The following CLCN3 variants were observed in gnomAD, a reference collection of about 807,000 sequenced individuals.
CLCN3 encodes the protein H(+)/Cl(-) exchange transporter 3.
A neutral mutation model predicts 83.4 loss-of-function variants in CLCN3; 16 were observed. That is an observed-to-expected ratio of 0.19 (90% CI 0.13 to 0.29). The LOEUF (loss-of-function observed/expected upper bound fraction) is 0.29, where lower values mean the gene tolerates loss of function less well. Among genes scored for constraint, CLCN3 ranks in the 10% least tolerant of loss-of-function variants. The pLI is 1.00. For synonymous variants in CLCN3, 322 were observed against 346.2 expected (o/e 0.93, Z 0.78); for missense variants, 544 against 1,006.0 (o/e 0.54, Z 6.21).
chr4:169,722,773 A>G lies in CLCN3; in HGVS notation c.*2776A>G, dbSNP rs1304929930. The G allele has an allele frequency of 6.6e-6, 1 of 152,164 alleles. No individual in the cohort carries two copies. The highest frequency in any genetic ancestry group is 1.5e-5 in the Non-Finnish European group (1 of 68,032). 9.4% of individuals were successfully genotyped at this position (152,164 alleles called of 1,614,324 possible). A position where few individuals can be genotyped will look rare whatever the true frequency, so the allele number is the denominator to read the frequency against. On this transcript the variant is annotated 3_prime_UTR_variant, in exon 13 of 13. Transcript: ENST00000513761. The stretch of plus-strand genomic sequence containing the variant: ...TGCTAAAATACAGGAAAAGTGCCGT[A>G]TTTTTAATGCATTTAGTGGTTTTCT...
At chr4:169,676,650 ATTTT>A (rs557077180) in intron 2 of CLCN3, among the ~76,000 whole-genome samples, 1 of 128,240 alleles carries the variant, frequency 7.8e-6, no homozygotes, top group Non-Finnish European at 1.6e-5. Flanking sequence ...CATGCCCAGC[ATTTT>A]TTTTTTTTTT....
intron 12 of CLCN3, among the ~76,000 whole-genome samples, chr4:169,718,255 CT>C (rs74320481): frequency 3.4e-3 from 474 of 140,664 alleles, no homozygotes; most frequent in Non-Finnish European, 3.7e-3. Context: ...CCCGCAAGCC[CT>C]TTTTTTTTTT....
intron 7 of CLCN3, among the ~76,000 whole-genome samples, chr4:169,694,889 C>G (rs993925709): frequency 6.6e-6 from 1 of 151,996 alleles, no homozygotes; most frequent in Non-Finnish European, 1.5e-5. Flanking sequence ...ACAAATAAAA[C>G]CCTAGTGAAA....
At chr4:169,666,760 G>C (rs1204808812) in intron 2 of CLCN3, among the ~76,000 whole-genome samples, 6 of 152,180 alleles carry the variant, frequency 3.9e-5, no homozygotes, top group Non-Finnish European at 8.8e-5. Flanking sequence ...TTGAATCCCT[G>C]TTCTACTACT....
chr4:169,645,830 CGTAT>C (rs1273449789), intron 2 of CLCN3, among the ~76,000 whole-genome samples: 1 of 152,156 alleles, frequency 6.6e-6, no homozygotes, highest in African/African-American at 2.4e-5. Context: ...AAGGGCCCCT[CGTAT>C]GTAGTAAACT....
intron 4 of CLCN3, 38 bp downstream of exon 4, chr4:169,687,795 C>A: frequency 8.3e-7 from 1 of 1,198,282 alleles, no homozygotes; most frequent in Non-Finnish European, 1.2e-6. Context: ...TTTTAGTTAA[C>A]AGAAGTATAA....
intron 12 of CLCN3, among the ~76,000 whole-genome samples, chr4:169,714,357 G>A (rs1409812203): frequency 6.6e-6 from 1 of 151,822 alleles, no homozygotes; most frequent in African/African-American, 2.4e-5. Flanking sequence ...AGAGAAAGGA[G>A]AGAAAAAGAA....
At chr4:169,660,523 T>A (rs1305559511) in intron 2 of CLCN3, 11 of 1,063,094 alleles carry the variant, frequency 1.0e-5, no homozygotes, top group Non-Finnish European at 1.3e-5. Flanking sequence ...TAGCTTAAAC[T>A]GGTTCTCGTT....
At chr4:169,677,490 C>T (rs1427941697) in intron 2 of CLCN3, among the ~76,000 whole-genome samples, 1 of 152,142 alleles carries the variant, frequency 6.6e-6, no homozygotes, top group Non-Finnish European at 1.5e-5. Context: ...TTTGCCAACC[C>T]GTTTTAGATT....
At position 169,680,225 on chromosome 4, in the gene CLCN3, A is replaced by T. The variant is rs1731883143; in HGVS notation, c.318+18A>T. On this transcript the variant is annotated intron_variant, in intron 3 of 12. Transcript: ENST00000513761. ...ATAGACGGGTAAGTGTTTTTAGTAA[A>T]AATTTTTAAAAACATAGTGCATAAT... 1.3e-6 allele frequency: 2 copies of T among 1,583,222 alleles called. No individual in the cohort carries two copies. The highest frequency in any genetic ancestry group is 1.4e-5 in the African/African-American group (1 of 73,388).
At chr4:169,629,420 G>A (rs968070210) in intron 1 of CLCN3, among the ~76,000 whole-genome samples, 27 of 151,860 alleles carry the variant, frequency 1.8e-4, no homozygotes, top group African/African-American at 6.3e-4. Context: ...AGGCTGGAGT[G>A]CAGTGAGTGG....
At chr4:169,640,650 G>A (rs1730386768) in intron 2 of CLCN3, among the ~76,000 whole-genome samples, 1 of 152,022 alleles carries the variant, frequency 6.6e-6, no homozygotes, top group African/African-American at 2.4e-5. Flanking sequence ...TTTTTTTATT[G>A]CAAGTAACAG....
At chr4:169,719,628 A>G (rs188632224) in intron 12 of CLCN3, among the ~76,000 whole-genome samples, 119 of 151,540 alleles carry the variant, frequency 7.9e-4, no homozygotes, top group African/African-American at 2.8e-3. Context: ...TTTTGTTGGC[A>G]TACATTAATC....
At chr4:169,678,274 A>G (rs999483114) in intron 2 of CLCN3, among the ~76,000 whole-genome samples, 22 of 152,318 alleles carry the variant, frequency 1.4e-4, no homozygotes, top group African/African-American at 5.3e-4. Context: ...TCAGGTGACT[A>G]TTATGCAGGC....
chr4:169,654,851 A>G (rs1398978422), intron 2 of CLCN3, among the ~76,000 whole-genome samples: 5 of 152,144 alleles, frequency 3.3e-5, no homozygotes, highest in African/African-American at 9.7e-5. Flanking sequence ...TGTTCTCTCC[A>G]TGTCCATTAG....
chr4:169,674,280 T>C (rs1731592197), intron 2 of CLCN3, among the ~76,000 whole-genome samples: 1 of 152,174 alleles, frequency 6.6e-6, no homozygotes, highest in Non-Finnish European at 1.5e-5. Flanking sequence ...GGTTTTTCCT[T>C]ATAAGATTCA....
chr4:169,660,396 G>A (rs1366366793), intron 2 of CLCN3: 9 of 1,402,014 alleles, frequency 6.4e-6, no homozygotes, highest in Middle Eastern at 1.8e-4. Flanking sequence ...ACCCTTATTT[G>A]CCTTATGACG....
At chr4:169,715,762 A>C (rs1733400868) in intron 12 of CLCN3, among the ~76,000 whole-genome samples, 1 of 152,142 alleles carries the variant, frequency 6.6e-6, no homozygotes, top group Non-Finnish European at 1.5e-5. Flanking sequence ...TTAACTGCAG[A>C]ATTTTTCAAA....
At position 169,672,220 on chromosome 4, in the gene CLCN3, T is replaced by TGATAGATAGATAGATAGATAGATA. The variant is rs70964217; in HGVS notation, c.161-7813_161-7790dup. On this transcript the variant is annotated intron_variant, in intron 2 of 12. Transcript: ENST00000513761. The stretch of plus-strand genomic sequence containing the variant: ...GAGCGAGTCTCCATCTCAAAATAAA[T>TGATAGATAGATAGATAGATAGATA]GATAGATAGATAGATAGATAGATAG... Among the ~76,000 whole-genome samples, 880 of 145,598 alleles carry TGATAGATAGATAGATAGATAGATA rather than the reference T, an allele frequency of 6.0e-3. 5 individuals carry two copies. Among genetic ancestry groups the TGATAGATAGATAGATAGATAGATA allele is most frequent in the Non-Finnish European group, 6.4e-3 (424 of 66,684 alleles).
Sources: allele counts gnomAD v4.1 joint callset (sites outside exome capture counted in the v4.1 genomes callset), GRCh38; gene constraint gnomAD v4.1.1; transcripts MANE v1.5; gene names NCBI Gene and HGNC (gene_info 2026-07-23, HGNC 2026-07-21).